Variants in ZNF592 observed in about 807,000 individuals in gnomAD.
The protein encoded by ZNF592 is zinc finger protein 592.
ZNF592 carries 11 observed loss-of-function variants against 80.3 expected under a neutral mutation model. The ratio of observed to expected loss-of-function variants is 0.14; its 90% CI spans 0.09 to 0.23. ZNF592 has a LOEUF of 0.23. Among genes scored for constraint, ZNF592 ranks in the 10% least tolerant of loss-of-function variants. The pLI is 1.00. For missense variants in ZNF592, 1,420 were observed against 1,633.9 expected (o/e 0.87, Z 2.26); for synonymous variants, 646 against 640.3 (o/e 1.01, Z -0.13).
intron 1 of ZNF592, among the ~76,000 whole-genome samples, chr15:84,758,400 A>AGTCACCC (rs1235442098): frequency 6.6e-6 from 1 of 151,888 alleles, no homozygotes; most frequent in African/African-American, 2.4e-5. Context: ...CTCCCACCTC[A>AGTCACCC]GTCACCCAAG....
intron 3 of ZNF592, among the ~76,000 whole-genome samples, chr15:84,780,859 A>G (rs1228153136): frequency 6.6e-6 from 1 of 152,138 alleles, no homozygotes; most frequent in African/African-American, 2.4e-5. Flanking sequence ...TGAAAAAATA[A>G]CCCAACAGTA....
intron 5 of ZNF592, among the ~76,000 whole-genome samples, chr15:84,794,445 G>C (rs534796538): frequency 6.6e-6 from 1 of 151,502 alleles, no homozygotes; most frequent in African/African-American, 2.4e-5. Context: ...TTCCCTGATG[G>C]TTAACGGTGT....
At position 84,798,368 on chromosome 15, in the gene ZNF592, A is replaced by G; in HGVS notation, c.2630A>G (p.Gln877Arg). The change falls in exon 7 of 11, where the codon CAG becomes CGG. Residue 877 changes from glutamine to arginine, a missense_variant. Coordinates refer to ENST00000560079, the MANE Select transcript of ZNF592 (RefSeq NM_014630.3). The surrounding 1 kb of genome is among the most constrained non-coding windows in gnomAD (Gnocchi z 4.5). ...EMVFNKKRHIQQHFYQNVSKT... is the reference protein window; with the variant it reads ...EMVFNKKRHIRQHFYQNVSKT... ...GTCTTCAACAAGAAGAGGCACATTC[A>G]GCAGCATTTTTACCAGAATGTCAGC... The G allele has an allele frequency of 6.2e-7, 1 of 1,614,250 alleles. No homozygotes were observed. The highest frequency in any genetic ancestry group is 8.5e-7 in the Non-Finnish European group (1 of 1,180,052).
At chr15:84,793,782 T>C (rs776427916) in intron 5 of ZNF592, among the ~76,000 whole-genome samples, 4 of 152,228 alleles carry the variant, frequency 2.6e-5, no homozygotes, top group Non-Finnish European at 4.4e-5. Context: ...TATGTAATAT[T>C]ATTAGCATAT....
chr15:84,793,002 C>T (rs1316829523), intron 5 of ZNF592, among the ~76,000 whole-genome samples: 1 of 152,130 alleles, frequency 6.6e-6, no homozygotes, highest in Non-Finnish European at 1.5e-5. Context: ...GCTGCTTGTT[C>T]TAAGATCAAA....
At chr15:84,767,132 C>G (rs552515257) in intron 2 of ZNF592, among the ~76,000 whole-genome samples, 1 of 152,220 alleles carries the variant, frequency 6.6e-6, no homozygotes, top group African/African-American at 2.4e-5. Flanking sequence ...GTAGCTGGGA[C>G]TAGAGGCGTA....
chr15:84,764,890 A>T lies in ZNF592; in HGVS notation c.-150+75A>T, dbSNP rs576349777. On this transcript the variant is annotated intron_variant, in intron 2 of 10. Coordinates refer to ENST00000560079, the MANE Select transcript of ZNF592 (RefSeq NM_014630.3). ...AACATGAGATTTTTTTGTTCCCTGG[A>T]TTTTGTTTTGTTTTGTTTTGTTTTT... 41 of 341,674 alleles carry T rather than the reference A, an allele frequency of 1.2e-4. 1 individual carries two copies. The highest frequency in any genetic ancestry group is 8.2e-4 in the East Asian group (21 of 25,674). 21.2% of individuals were successfully genotyped at this position (341,674 alleles called of 1,614,324 possible). A position where few individuals can be genotyped will look rare whatever the true frequency, so the allele number is the denominator to read the frequency against.
intron 2 of ZNF592, among the ~76,000 whole-genome samples, chr15:84,776,172 CT>C (rs780762273): frequency 1.3e-3 from 192 of 152,336 alleles, no homozygotes; most frequent in Non-Finnish European, 2.3e-3. Flanking sequence ...CGTTCAGATG[CT>C]TCAGGGTGAG....
chr15:84,798,953 C>T lies in ZNF592; in HGVS notation c.3024+78C>T, dbSNP rs534074206. Reference sequence around the variant, plus strand: ...CTGTGAAGCCAGAACCCCTAGGGTTCCTGGTGCTTAGGGCAGGGTGGGTAC... The same window carrying T: ...CTGTGAAGCCAGAACCCCTAGGGTTTCTGGTGCTTAGGGCAGGGTGGGTAC... On this transcript the variant is annotated intron_variant, in intron 8 of 10. Coordinates refer to ENST00000560079, the MANE Select transcript of ZNF592 (RefSeq NM_014630.3). This position sits in a 1 kb window ranked among gnomAD's most constrained non-coding sequence, Gnocchi z 4.5. 18 of 1,597,576 alleles carry T rather than the reference C, an allele frequency of 1.1e-5. No individual in the cohort carries two copies. In the Admixed American group the frequency reaches 2.2e-4, roughly 19 times the overall value.
rs745349457 is a variant in ZNF592 at position 84,782,796 on chromosome 15, C to T, written c.121C>T (p.Leu41Phe). The change falls in exon 4 of 11, where the codon CTC becomes TTC. Residue 41 changes from leucine (L) to phenylalanine (F), a missense_variant. Leu to Phe is a conservative substitution (Grantham distance 22, BLOSUM62 0). This residue lies in a region of ZNF592 where 373 missense variants were observed against 355.5 expected (regional missense o/e 1.05). Coordinates refer to ENST00000560079, the MANE Select transcript of ZNF592 (RefSeq NM_014630.3). ...QTPSEENESPLKPPGICMDES... is the reference protein window; with the variant it reads ...QTPSEENESPFKPPGICMDES... ...ACCCAGTGAGGAGAATGAGAGTCCC[C>T]TCAAACCTCCAGGCATATGTATGGA... The T allele has an allele frequency of 7.4e-6, 12 of 1,614,172 alleles. No homozygotes were observed. The highest frequency in any genetic ancestry group is 9.3e-6 in the Non-Finnish European group (11 of 1,180,036).
At chr15:84,766,429 C>A (rs150829620) in intron 2 of ZNF592, among the ~76,000 whole-genome samples, 22 of 152,236 alleles carry the variant, frequency 1.4e-4, no homozygotes, top group Non-Finnish European at 2.8e-4. Context: ...CGTTGCCATG[C>A]TGGATTGTTG....
chr15:84,768,714 A>G (rs1899609645), intron 2 of ZNF592, among the ~76,000 whole-genome samples: 1 of 152,192 alleles, frequency 6.6e-6, no homozygotes, highest in Non-Finnish European at 1.5e-5. Flanking sequence ...TAATTTAATC[A>G]GCCATTACAG....
At chr15:84,761,700 C>A (rs1457834011) in intron 1 of ZNF592, among the ~76,000 whole-genome samples, 3 of 152,128 alleles carry the variant, frequency 2.0e-5, no homozygotes, top group Admixed American at 6.5e-5. Context: ...AGGAGAGGAG[C>A]CTGTCTGTTC....
chr15:84,762,061 T>C (rs1202360525), intron 1 of ZNF592, among the ~76,000 whole-genome samples: 1 of 152,222 alleles, frequency 6.6e-6, no homozygotes, highest in Non-Finnish European at 1.5e-5. Flanking sequence ...TATGATCTTT[T>C]GGTATGAGTC....
chr15:84,775,934 C>T (rs557443491), intron 2 of ZNF592, among the ~76,000 whole-genome samples: 1 of 152,104 alleles, frequency 6.6e-6, no homozygotes, highest in African/African-American at 2.4e-5. Context: ...CCAGATATTC[C>T]CTAGGTAGAA....
At chr15:84,773,005 A>T (rs1962128112) in intron 2 of ZNF592, among the ~76,000 whole-genome samples, 1 of 152,148 alleles carries the variant, frequency 6.6e-6, no homozygotes, top group Admixed American at 6.5e-5. Context: ...TGAAGGCTTT[A>T]TGCAGGGGGG....
rs540199900 is a variant in ZNF592, at chr15:84,770,657, G to A, written c.-150+5842G>A. On this transcript the variant is annotated intron_variant, in intron 2 of 10. Transcript: ENST00000560079. ...CCATGTATAAAAAATGAAGAGTTTG[G>A]ACTAGACCGGTGCAGTGGAATCACC... Among the ~76,000 whole-genome samples, 239 of 151,894 alleles carry A rather than the reference G, an allele frequency of 1.6e-3. 1 individual carries two copies. Among genetic ancestry groups the A allele is most frequent in the Non-Finnish European group, 2.8e-3 (188 of 67,946 alleles).
At chr15:84,748,764 AGCCGGG>A (rs1898922488) in intron 1 of ZNF592, 100 bp downstream of exon 1, 2 of 146,792 alleles carry the variant, frequency 1.4e-5, no homozygotes, top group South Asian at 4.0e-4. Context: ...TCCGAGCCCG[AGCCGGG>A]GCCCGGCCCT....
In ZNF592 at chr15:84,782,952, A is replaced by G; in HGVS notation, c.277A>G (p.Asn93Asp). The stretch of plus-strand genomic sequence containing the variant: ...CCACATTACTCCCAGTCTCCTACAC[A>G]ATGGATTCCGGGGCTCAGATCTGCC... ...KDHITPSLLHNGFRGSDLPPD... is the reference protein window; with the variant it reads ...KDHITPSLLHDGFRGSDLPPD... Residue 93 changes from asparagine to aspartate, a missense_variant, in exon 4 of 11, where the codon AAT (asparagine) becomes GAT (aspartate). Around this residue, in one of 7 missense-constraint regions of ZNF592, gnomAD observed 373 missense variants for 355.5 expected, o/e 1.05. Transcript: ENST00000560079. The G allele has an allele frequency of 6.2e-7, 1 of 1,614,170 alleles. No homozygotes were observed. Among genetic ancestry groups the G allele is most frequent in the Non-Finnish European group, 8.5e-7 (1 of 1,180,028 alleles).
Sources: gnomAD v4.1 joint callset for allele counts (sites outside exome capture counted in the v4.1 genomes callset) on GRCh38, gnomAD v4.1.1 for gene constraint, gnomAD v4.1.1 regional missense constraint, Gnocchi (gnomAD v3.1) non-coding constraint, MANE v1.5 for transcripts, NCBI Gene and HGNC (gene_info 2026-07-23, HGNC 2026-07-21) for gene names.